C1QTNF7: variants seen among roughly 807,000 people sequenced by gnomAD.
C1QTNF7 encodes the protein complement C1q tumor necrosis factor-related protein 7.
In C1QTNF7, 15 loss-of-function variants were observed where a neutral mutation model predicts 19.6. The ratio of observed to expected loss-of-function variants is 0.76; its 90% CI spans 0.51 to 1.18. The LOEUF (loss-of-function observed/expected upper bound fraction) is 1.18. Among genes scored for constraint, C1QTNF7 ranks in the 50% most tolerant of loss-of-function variants. The pLI is 0.00. For synonymous variants in C1QTNF7, 142 were observed against 137.5 expected (o/e 1.03, Z -0.23); for missense variants, 324 against 359.7 (o/e 0.90, Z 0.80).
rs999151895 is a variant in C1QTNF7 at position 15,445,257 on chromosome 4, G to A, written c.*2458G>A. 1 of 152,138 alleles carries A rather than the reference G, an allele frequency of 6.6e-6. No homozygotes were observed. Among genetic ancestry groups the A allele is most frequent in the Non-Finnish European group, 1.5e-5 (1 of 68,020 alleles). The allele number at this position is 152,138 out of a possible 1,614,324, so 9.4% of individuals were successfully genotyped here. A position where few individuals can be genotyped will look rare whatever the true frequency, so the allele number is the denominator to read the frequency against. On this transcript the variant is annotated 3_prime_UTR_variant, in exon 3 of 3. Transcript: ENST00000444304. ...CAAAGATAGAATTCCAAGTTATAAA[G>A]CATAAAAAAGAGCCAACAGAAGTAA... is the stretch of plus-strand genomic sequence containing the variant.
rs1043814188 is a variant in C1QTNF7 at position 15,446,055 on chromosome 4, T to C, written c.*3256T>C. ...CACAAGGGTATTTCCAGGTCATTTATCATTGTGAACAGTGTTGCTTATGAT... is the reference window on the plus strand; with the variant it reads ...CACAAGGGTATTTCCAGGTCATTTACCATTGTGAACAGTGTTGCTTATGAT... On this transcript the variant is annotated 3_prime_UTR_variant, in exon 3 of 3. Coordinates refer to ENST00000444304, the MANE Select transcript of C1QTNF7 (RefSeq NM_031911.5). 5 of 152,244 alleles carry C rather than the reference T, an allele frequency of 3.3e-5. No homozygotes were observed. Among genetic ancestry groups the C allele is most frequent in the Admixed American group, 6.5e-5 (1 of 15,286 alleles). The allele number at this position is 152,244 out of a possible 1,614,324, so 9.4% of individuals were successfully genotyped here.
At chr4:15,366,870 C>T (rs778803226) in intron 1 of C1QTNF7, among the ~76,000 whole-genome samples, 2 of 152,090 alleles carry the variant, frequency 1.3e-5, no homozygotes, top group Non-Finnish European at 1.5e-5. Context: ...CTGGCTGAGA[C>T]AGCAGGGTCA....
At chr4:15,385,460 C>G (rs1182999935) in intron 1 of C1QTNF7, among the ~76,000 whole-genome samples, 3 of 152,120 alleles carry the variant, frequency 2.0e-5, no homozygotes, top group South Asian at 2.1e-4. Context: ...ACAAGGAGGA[C>G]AGAAGGCAGG....
intron 1 of C1QTNF7, among the ~76,000 whole-genome samples, chr4:15,432,505 C>T (rs1333009835): frequency 6.6e-6 from 1 of 152,214 alleles, no homozygotes; most frequent in Non-Finnish European, 1.5e-5. Context: ...AAGTGATTCT[C>T]CTGCCTCAGC....
In C1QTNF7 at chr4:15,379,950, G is replaced by A. The variant is rs186277346; in HGVS notation, c.13+39743G>A. On this transcript the variant is annotated intron_variant, in intron 1 of 2. Coordinates refer to the C1QTNF7 transcript ENST00000295297. ...TATTCTTCTTCCCCTAACCCAGGCC[G>A]ATTACGTTGGTTGAAGTGATGTCCA... is the stretch of plus-strand genomic sequence containing the variant. Among the ~76,000 whole-genome samples, 167 of 152,298 alleles carry A rather than the reference G, an allele frequency of 1.1e-3. No individual in the cohort carries two copies. In the South Asian group the frequency reaches 0.018, roughly 17 times the overall value.
chr4:15,418,917 G>A (rs1711597667), intron 1 of C1QTNF7, among the ~76,000 whole-genome samples: 1 of 152,158 alleles, frequency 6.6e-6, no homozygotes, highest in African/African-American at 2.4e-5. Flanking sequence ...TATGCAAAAT[G>A]ACCACTGAGA....
At chr4:15,395,426 T>C (rs1718748173) in intron 1 of C1QTNF7, among the ~76,000 whole-genome samples, 1 of 152,146 alleles carries the variant, frequency 6.6e-6, no homozygotes, top group Non-Finnish European at 1.5e-5. Context: ...GTGCAGTCTC[T>C]CCCCAGTCAA....
At chr4:15,368,640 A>G (rs997436881) in intron 1 of C1QTNF7, among the ~76,000 whole-genome samples, 1 of 152,234 alleles carries the variant, frequency 6.6e-6, no homozygotes, top group Non-Finnish European at 1.5e-5. Context: ...TTATGGCTGC[A>G]TAGTATTCCA....
chr4:15,350,913 A>G (rs1471178191), intron 1 of C1QTNF7, among the ~76,000 whole-genome samples: 1 of 152,218 alleles, frequency 6.6e-6, no homozygotes, highest in East Asian at 1.9e-4. Context: ...GATGTTAATT[A>G]CTTAGGATTC....
chr4:15,428,938 G>T (rs1712180553), intron 1 of C1QTNF7, among the ~76,000 whole-genome samples: 1 of 152,194 alleles, frequency 6.6e-6, no homozygotes. Flanking sequence ...CCTTTGTCAT[G>T]AAGTAATATG....
intron 2 of C1QTNF7, among the ~76,000 whole-genome samples, chr4:15,438,808 C>T (rs1712634392): frequency 1.3e-5 from 2 of 152,136 alleles, no homozygotes; most frequent in African/African-American, 2.4e-5. Flanking sequence ...ATTTGAGGTT[C>T]GGGCATTACA....
At chr4:15,408,534 A>G (rs754064902) in intron 1 of C1QTNF7, among the ~76,000 whole-genome samples, 2 of 152,092 alleles carry the variant, frequency 1.3e-5, no homozygotes, top group African/African-American at 2.4e-5. Context: ...GTATGTATGT[A>G]TATATGGATA....
At chr4:15,380,934 C>CA (rs1718118548) in intron 1 of C1QTNF7, among the ~76,000 whole-genome samples, 2 of 150,372 alleles carry the variant, frequency 1.3e-5, no homozygotes, top group African/African-American at 2.5e-5. Context: ...GACTCTGTCT[C>CA]AAGAAAAAGA....
chr4:15,442,919 T>C lies in C1QTNF7; in HGVS notation c.*120T>C, dbSNP rs1712843460. On this transcript the variant is annotated 3_prime_UTR_variant, in exon 3 of 3. Coordinates refer to ENST00000444304, the MANE Select transcript of C1QTNF7 (RefSeq NM_031911.5). Reference sequence around the variant, plus strand: ...AGATTCTAAAGCATTTAAAGACAATTCTAGCAGAATTTATCAAAACAAGAT... The same window carrying C: ...AGATTCTAAAGCATTTAAAGACAATCCTAGCAGAATTTATCAAAACAAGAT... 4.5e-6 allele frequency: 5 copies of C among 1,106,626 alleles called. No homozygotes were observed. The South Asian group carries it at 7.5e-5, about 16-fold the overall frequency. 68.6% of individuals were successfully genotyped at this position (1,106,626 alleles called of 1,614,324 possible).
intron 1 of C1QTNF7, among the ~76,000 whole-genome samples, chr4:15,344,811 A>G (rs1286207565): frequency 6.6e-6 from 1 of 152,218 alleles, no homozygotes; most frequent in Non-Finnish European, 1.5e-5. Flanking sequence ...GCATTTTTAT[A>G]TATTCCTTCG....
intron 1 of C1QTNF7, among the ~76,000 whole-genome samples, chr4:15,376,380 T>C (rs1191441506): frequency 6.6e-6 from 1 of 152,224 alleles, no homozygotes; most frequent in African/African-American, 2.4e-5. Context: ...TGTGCACTCG[T>C]GGGAGCAGCA....
Position 15,406,977 on chromosome 4 carries a change from A to G in C1QTNF7, c.14-28759A>G, listed in dbSNP as rs190945327. ...ATTTTTCTATGATTAACATGTATTA[A>G]TTGTGTAATATTTTCCCATTTTGGA... On this transcript the variant is annotated intron_variant, in intron 1 of 2. Coordinates refer to the C1QTNF7 transcript ENST00000295297. 1.5e-3 allele frequency among the ~76,000 whole-genome samples: 235 copies of G among 152,232 alleles called. 2 individuals carry two copies. Among genetic ancestry groups the G allele is most frequent in the African/African-American group, 5.3e-3 (222 of 41,542 alleles).
At chr4:15,390,374 T>C (rs1718510552) in intron 1 of C1QTNF7, among the ~76,000 whole-genome samples, 1 of 152,218 alleles carries the variant, frequency 6.6e-6, no homozygotes, top group Non-Finnish European at 1.5e-5. Flanking sequence ...AAAATGTCTT[T>C]ACAGCAAAAC....
At chr4:15,409,859 G>T (rs1361995340) in intron 1 of C1QTNF7, among the ~76,000 whole-genome samples, 5 of 152,262 alleles carry the variant, frequency 3.3e-5, no homozygotes, top group Admixed American at 3.3e-4. Flanking sequence ...ACACAGTTTG[G>T]CACATAGGGA....
Sources: allele counts gnomAD v4.1 joint callset (sites outside exome capture counted in the v4.1 genomes callset), GRCh38; gene constraint gnomAD v4.1.1; transcripts MANE v1.5; gene names NCBI Gene and HGNC (gene_info 2026-07-23, HGNC 2026-07-21).